MRPL21: variants seen among roughly 807,000 people sequenced by gnomAD.
MRPL21 encodes the protein mitochondrial ribosomal protein L21.
Under a neutral mutation model 27.3 loss-of-function variants are expected in MRPL21, and 20 were observed. The ratio of observed to expected loss-of-function variants is 0.73; its 90% CI spans 0.52 to 1.06. MRPL21 has a LOEUF of 1.06. Ranked by LOEUF, MRPL21 falls within the 50% of genes least tolerant of loss-of-function variation. The pLI, the probability that MRPL21 is intolerant of heterozygous loss-of-function variation, is 0.00. For synonymous variants in MRPL21, 98 were observed against 101.5 expected, an observed-to-expected ratio of 0.97 and a Z score of 0.21; for missense variants, 249 against 251.4, an observed-to-expected ratio of 0.99 and a Z score of 0.06.
rs761181766 is a variant in MRPL21, at chr11:68,892,999, A to G, written c.450-6T>C. On this transcript the variant is annotated splice_polypyrimidine_tract_variant and splice_region_variant and intron_variant, in intron 5 of 6. Transcript: ENST00000362034. ...CTACTCGAACAAGATCCTTTCTAGA[A>G]GGAAGAAAAATCAACAATAATGTAC... 21 of 1,561,014 alleles carry G rather than the reference A, an allele frequency of 1.3e-5. No homozygotes were observed. The highest frequency in any genetic ancestry group is 1.7e-5 in the Non-Finnish European group (20 of 1,157,104).
intron 6 of MRPL21, chr11:68,892,120 T>C (rs684766): frequency 2.5e-6 from 2 of 812,294 alleles, no homozygotes; most frequent in African/African-American, 7.4e-5. Context: ...GCGAGGTGGG[T>C]TCACGCGCGG....
intron 4 of MRPL21, among the ~76,000 whole-genome samples, chr11:68,896,085 CAG>C (rs1857779608): frequency 6.6e-6 from 1 of 152,252 alleles, no homozygotes; most frequent in Non-Finnish European, 1.5e-5. Context: ...AAGCTAATGA[CAG>C]AGTACTGTCT....
intron 6 of MRPL21, chr11:68,892,081 G>GACCCTCTGGGTGCTCCCTCTAGGATGA: frequency 7.8e-7 from 1 of 1,290,266 alleles, no homozygotes; most frequent in Admixed American, 3.6e-5. Flanking sequence ...GAGCGAGGTG[G>GACCCTCTGGGTGCTCCCTCTAGGATGA]GGTCACGCGT....
rs1184263030 is a variant in MRPL21, at chr11:68,893,090, G to A, written c.450-97C>T. The A allele has an allele frequency of 2.9e-6, 4 of 1,399,486 alleles. No individual in the cohort carries two copies. The Admixed American group carries it at 8.8e-5, about 31-fold the overall frequency. The allele number at this position is 1,399,486 out of a possible 1,614,324, so 86.7% of individuals were successfully genotyped here. A position where few individuals can be genotyped will look rare whatever the true frequency, so the allele number is the denominator to read the frequency against. ...AAAATGAAGTTATACTTTCTCTTTT[G>A]TTGATTATAAAAGTAATACGCCCTC... On this transcript the variant is annotated intron_variant, in intron 5 of 6. Transcript: ENST00000362034.
chr11:68,895,722 G>A (rs1001832246), intron 4 of MRPL21, among the ~76,000 whole-genome samples: 1 of 152,108 alleles, frequency 6.6e-6, no homozygotes, highest in African/African-American at 2.4e-5. Context: ...CCAGGCTCGA[G>A]TGCAGTGGCC....
intron 3 of MRPL21, 58 bp from the exon 4 acceptor site, chr11:68,896,736 A>C: frequency 6.2e-7 from 1 of 1,602,134 alleles, no homozygotes; most frequent in Non-Finnish European, 8.5e-7. Context: ...CACGCGCTGC[A>C]GTGTGATGTG....
intron 1 of MRPL21, among the ~76,000 whole-genome samples, chr11:68,903,263 C>T (rs998106707): frequency 1.2e-4 from 18 of 152,146 alleles, no homozygotes; most frequent in African/African-American, 4.3e-4. Flanking sequence ...TTTTTGGAGC[C>T]TCGTATCAGC....
chr11:68,891,824 T>C (rs1857653162), intron 6 of MRPL21: 1 of 466,948 alleles, frequency 2.1e-6, no homozygotes, highest in Non-Finnish European at 3.8e-6. Flanking sequence ...CCACTGTTGG[T>C]GGTTTAGGCC....
intron 3 of MRPL21, 145 bp from the exon 4 acceptor site, chr11:68,896,823 G>GCCCCTGCTCCAC (rs1487493947): frequency 1.7e-5 from 18 of 1,029,044 alleles, no homozygotes; most frequent in Non-Finnish European, 2.1e-5. Context: ...TGGCGGCCCA[G>GCCCCTGCTCCAC]CCCCTGCTCC....
intron 4 of MRPL21, among the ~76,000 whole-genome samples, chr11:68,895,978 T>G (rs1249530863): frequency 6.6e-6 from 1 of 152,180 alleles, no homozygotes; most frequent in Non-Finnish European, 1.5e-5. Context: ...ATGCCTGGCC[T>G]AGACCATGCA....
In MRPL21 at chr11:68,897,872, C is replaced by A. The variant is rs181037804; in HGVS notation, c.232+55G>T. 1.8e-5 allele frequency: 25 copies of A among 1,381,682 alleles called. No homozygotes were observed. In the Admixed American group the frequency reaches 2.4e-4, roughly 13 times the overall value. The allele number at this position is 1,381,682 out of a possible 1,614,324, so 85.6% of individuals were successfully genotyped here. A position where few individuals can be genotyped will look rare whatever the true frequency, so the allele number is the denominator to read the frequency against. On this transcript the variant is annotated intron_variant, in intron 3 of 6. Transcript: ENST00000362034. ...GCCTGGTGACAACCTCTGTGGCTGACTGGAGCAGGGTCTAGGTGGTGCCCT... is the reference window on the plus strand; with the variant it reads ...GCCTGGTGACAACCTCTGTGGCTGAATGGAGCAGGGTCTAGGTGGTGCCCT...
At chr11:68,902,295 C>A (rs920803436) in intron 1 of MRPL21, among the ~76,000 whole-genome samples, 1 of 152,188 alleles carries the variant, frequency 6.6e-6, no homozygotes, top group Non-Finnish European at 1.5e-5. Context: ...AGTCCCACTG[C>A]TTTTGTAAAA....
intron 6 of MRPL21, 56 bp downstream of exon 6, chr11:68,892,834 G>A (rs918059293): frequency 2.5e-6 from 4 of 1,584,754 alleles, no homozygotes; most frequent in East Asian, 2.3e-5. Flanking sequence ...CCGTCCGCAT[G>A]CGCCTGGGCA....
chr11:68,891,488 G>C, intron 6 of MRPL21, 93 bp from the exon 7 acceptor site: 1 of 1,252,782 alleles, frequency 8.0e-7, no homozygotes, highest in Non-Finnish European at 1.2e-6. Context: ...CCCAGCCAGC[G>C]CGACCCCGGC....
chr11:68,900,969 C>A (rs482172), intron 1 of MRPL21, among the ~76,000 whole-genome samples: 39,971 of 152,096 alleles, frequency 0.26, 5,757 homozygotes, highest in South Asian at 0.48. Context: ...CCCCTGTTAG[C>A]CCCCTGGGAG....
intron 2 of MRPL21, among the ~76,000 whole-genome samples, chr11:68,899,639 G>C (rs926706316): frequency 6.6e-6 from 1 of 152,206 alleles, no homozygotes; most frequent in African/African-American, 2.4e-5. Flanking sequence ...AGAAGAACAC[G>C]CTGGCAGGAA....
At chr11:68,895,783 C>T (rs1015327672) in intron 4 of MRPL21, among the ~76,000 whole-genome samples, 1 of 152,160 alleles carries the variant, frequency 6.6e-6, no homozygotes, top group Non-Finnish European at 1.5e-5. Context: ...GATCCTTCTA[C>T]TTCAGCCCCA....
chr11:68,896,354 C>T (rs896033866), intron 4 of MRPL21, 161 bp downstream of exon 4: 22 of 900,236 alleles, frequency 2.4e-5, no homozygotes, highest in African/African-American at 1.7e-4. Flanking sequence ...GACCCCAGCC[C>T]CGCCGTGGGC....
intron 4 of MRPL21, among the ~76,000 whole-genome samples, chr11:68,894,231 C>T (rs905184535): frequency 6.6e-6 from 1 of 152,162 alleles, no homozygotes; most frequent in Admixed American, 6.6e-5. Flanking sequence ...GAAATCACGA[C>T]ACCAAGTGTG....
Sources: allele counts gnomAD v4.1 joint callset (sites outside exome capture counted in the v4.1 genomes callset), GRCh38; gene constraint gnomAD v4.1.1; transcripts MANE v1.5; gene names NCBI Gene and HGNC (gene_info 2026-07-23, HGNC 2026-07-21).